The following SV2B variants were observed in gnomAD, a reference collection of about 807,000 sequenced individuals.
SV2B encodes solute carrier family 22 member B2.
Under a neutral mutation model 73.9 loss-of-function variants are expected in SV2B, and 41 were observed. The observed-to-expected ratio is 0.56, with a 90% CI of 0.43 to 0.72. SV2B has a LOEUF of 0.72. Among genes scored for constraint, SV2B ranks in the 30% least tolerant of loss-of-function variants. The probability of loss-of-function intolerance (pLI) is 0.00; values close to 1 mark genes in which losing one functional copy is unlikely to be tolerated. For synonymous variants in SV2B, 314 were observed against 314.2 expected, an observed-to-expected ratio of 1.00 and a Z score of 0.01; for missense variants, 764 against 857.8, an observed-to-expected ratio of 0.89 and a Z score of 1.37.
At chr15:91,158,700 T>TCTTCC (rs1567300656) in intron 1 of SV2B, among the ~76,000 whole-genome samples, 2 of 52,480 alleles carry the variant, frequency 3.8e-5, no homozygotes, top group African/African-American at 1.2e-4. Context: ...TCTTCTCTTC[T>TCTTCC]CTCCTCTCCT....
chr15:91,102,284 A>G (rs2041751140), intron 1 of SV2B: 1 of 152,238 alleles, frequency 6.6e-6, no homozygotes, highest in South Asian at 2.1e-4. Context: ...AGCGTGCACT[A>G]CAAGAAGCAT....
In SV2B at chr15:91,229,288, A is replaced by G. The variant is rs2046483046; in HGVS notation, c.451+2574A>G. On this transcript the variant is annotated intron_variant, in intron 2 of 12. Coordinates refer to ENST00000394232, the MANE Select transcript of SV2B (RefSeq NM_001323032.3). This position sits in a 1 kb window ranked among gnomAD's most constrained non-coding sequence, Gnocchi z 4.3. ...ATCGATCTGCTAGTGACCTTGGGCA[A>G]GTTATGACTCCTCTAATTCTCGGTG... is the stretch of plus-strand genomic sequence containing the variant. Among the ~76,000 whole-genome samples the G allele has an allele frequency of 6.6e-6, 1 of 151,872 alleles. No homozygotes were observed. The highest frequency in any genetic ancestry group is 2.1e-4 in the South Asian group (1 of 4,778).
At chr15:91,127,858 CA>C (rs1186303294) in intron 1 of SV2B, among the ~76,000 whole-genome samples, 1 of 152,134 alleles carries the variant, frequency 6.6e-6, no homozygotes, top group African/African-American at 2.4e-5. Flanking sequence ...GCTAATTTTG[CA>C]AAGCTATGCA....
rs541998900 is a variant in SV2B at position 91,141,841 on chromosome 15, G to A, written c.-392+41478G>A. Among the ~76,000 whole-genome samples, 2 of 151,978 alleles carry A rather than the reference G, an allele frequency of 1.3e-5. No individual in the cohort carries two copies. The highest frequency in any genetic ancestry group is 4.8e-5 in the African/African-American group (2 of 41,460). On this transcript the variant is annotated intron_variant, in intron 1 of 12. Transcript: ENST00000394232. This position sits in a 1 kb window ranked among gnomAD's most constrained non-coding sequence, Gnocchi z 4.6. Reference sequence around the variant, plus strand: ...ATTCAGAGAGTTAGATGCTGTACCTGAAAGGGTGTATGTTTAAAAGACTGA... The same window carrying A: ...ATTCAGAGAGTTAGATGCTGTACCTAAAAGGGTGTATGTTTAAAAGACTGA...
chr15:91,115,495 C>A lies in SV2B; in HGVS notation c.-392+15132C>A, dbSNP rs2042152469. Reference sequence around the variant, plus strand: ...CAAGTAATCCTCCCACCTCAGTCTCCTGAGTAGCTGGGACCACAGGCACCC... The same window carrying A: ...CAAGTAATCCTCCCACCTCAGTCTCATGAGTAGCTGGGACCACAGGCACCC... On this transcript the variant is annotated intron_variant, in intron 1 of 12. Transcript: ENST00000394232. This position sits in a 1 kb window ranked among gnomAD's most constrained non-coding sequence, Gnocchi z 4.3. Among the ~76,000 whole-genome samples, 1 of 151,964 alleles carries A rather than the reference C, an allele frequency of 6.6e-6. No homozygotes were observed. Among genetic ancestry groups the A allele is most frequent in the Admixed American group, 6.6e-5 (1 of 15,246 alleles).
intron 12 of SV2B, among the ~76,000 whole-genome samples, chr15:91,291,954 A>G (rs757066976): frequency 1.3e-5 from 2 of 152,202 alleles, no homozygotes; most frequent in Non-Finnish European, 2.9e-5. Context: ...GTTTGTGGGC[A>G]ACTGGCAGTC....
intron 1 of SV2B, among the ~76,000 whole-genome samples, chr15:91,204,469 G>A (rs1044649953): frequency 4.0e-5 from 6 of 150,798 alleles, no homozygotes; most frequent in African/African-American, 1.5e-4. Context: ...TGAGTTGAGA[G>A]TTGATAATAG....
In SV2B at chr15:91,283,087, G is replaced by A. The variant is rs144447311; in HGVS notation, c.1508-934G>A. Reference sequence around the variant, plus strand: ...TCTTCCAATTTTGTAGATTTTGTAGGTAGAGCCTCAGGGAGGTTAAAGAGG... The same window carrying A: ...TCTTCCAATTTTGTAGATTTTGTAGATAGAGCCTCAGGGAGGTTAAAGAGG... On this transcript the variant is annotated intron_variant, in intron 10 of 12. Transcript: ENST00000394232. This position sits in a 1 kb window ranked among gnomAD's most constrained non-coding sequence, Gnocchi z 4.3. Among the ~76,000 whole-genome samples, 136 of 152,304 alleles carry A rather than the reference G, an allele frequency of 8.9e-4. No individual in the cohort carries two copies. Among genetic ancestry groups the A allele is most frequent in the African/African-American group, 3.1e-3 (127 of 41,558 alleles).
chr15:91,168,259 C>G (rs796081661), intron 1 of SV2B, among the ~76,000 whole-genome samples: 11 of 150,276 alleles, frequency 7.3e-5, no homozygotes, highest in African/African-American at 2.7e-4. Context: ...CAGTTCCACA[C>G]TTTTTGTGAA....
rs1596713917 is a variant in SV2B, at chr15:91,258,363, C to T, written c.785-58C>T. ...TGTGAGCCAGGGCTTCAGAGTCACTCTTCCGTAGAGGAAAAGATCATGTCC... is the reference window on the plus strand; with the variant it reads ...TGTGAGCCAGGGCTTCAGAGTCACTTTTCCGTAGAGGAAAAGATCATGTCC... On this transcript the variant is annotated intron_variant, in intron 4 of 12. Transcript: ENST00000394232. The surrounding 1 kb of genome is among the most constrained non-coding windows in gnomAD (Gnocchi z 4.7). The T allele has an allele frequency of 1.3e-6, 2 of 1,599,072 alleles. No homozygotes were observed. Among genetic ancestry groups the T allele is most frequent in the East Asian group, 2.2e-5 (1 of 44,814 alleles).
intron 1 of SV2B, among the ~76,000 whole-genome samples, chr15:91,167,034 T>C (rs2043940703): frequency 1.3e-5 from 2 of 152,080 alleles, no homozygotes; most frequent in African/African-American, 2.4e-5. Flanking sequence ...AGGATGGTCT[T>C]GATCTCCTGA....
Position 91,252,392 on chromosome 15 carries a change from T to C in SV2B, c.656T>C (p.Val219Ala). The C allele has an allele frequency of 1.2e-6, 2 of 1,613,016 alleles. No individual in the cohort carries two copies. The highest frequency in any genetic ancestry group is 8.5e-7 in the Non-Finnish European group (1 of 1,179,578). ...AGTATTGGGGGTGCTCTACCGATTG[T>C]TTTTGCCTATTTTTCTGAATTCTTG... is the stretch of plus-strand genomic sequence containing the variant. ...GIGIGGALPI[V>A]FAYFSEFLSR... Residue 219 changes from valine to alanine, a missense_variant, in exon 4 of 13, where the codon GTT (valine) becomes GCT (alanine). Physicochemically the swap from Val to Ala is moderately conservative, Grantham distance 64. Coordinates refer to ENST00000394232, the MANE Select transcript of SV2B (RefSeq NM_001323032.3). The surrounding 1 kb of genome is among the most constrained non-coding windows in gnomAD (Gnocchi z 4.6).
chr15:91,219,779 C>T (rs1413550475), intron 1 of SV2B, among the ~76,000 whole-genome samples: 1 of 152,168 alleles, frequency 6.6e-6, no homozygotes, highest in Admixed American at 6.5e-5. Context: ...AGTTTACTTA[C>T]AATCATTCCC....
At chr15:91,208,755 T>C (rs1567346052) in intron 1 of SV2B, among the ~76,000 whole-genome samples, 2 of 152,186 alleles carry the variant, frequency 1.3e-5, no homozygotes, top group African/African-American at 4.8e-5. Flanking sequence ...GATGCATCTT[T>C]TAAAAAAATG....
chr15:91,192,545 G>A (rs1196371566), intron 1 of SV2B, among the ~76,000 whole-genome samples: 2 of 152,208 alleles, frequency 1.3e-5, no homozygotes, highest in Admixed American at 6.5e-5. Context: ...TGAGAAATCA[G>A]TGAAGTAGTG....
In SV2B at chr15:91,130,847, A is replaced by G. The variant is rs2042619083; in HGVS notation, c.-392+30484A>G. On this transcript the variant is annotated intron_variant, in intron 1 of 12. Coordinates refer to ENST00000394232, the MANE Select transcript of SV2B (RefSeq NM_001323032.3). This position sits in a 1 kb window ranked among gnomAD's most constrained non-coding sequence, Gnocchi z 5.6. ...GAGGATTGAAGGAAATGTCTTTAGG[A>G]TGTGTGATATTTTAGTATTTTTACA... is the stretch of plus-strand genomic sequence containing the variant. 6.6e-6 allele frequency among the ~76,000 whole-genome samples: 1 copy of G among 152,074 alleles called. No homozygotes were observed. The highest frequency in any genetic ancestry group is 1.5e-5 in the Non-Finnish European group (1 of 68,008).
intron 1 of SV2B, among the ~76,000 whole-genome samples, chr15:91,202,634 A>AGAGG (rs1202804789): frequency 6.6e-6 from 1 of 152,226 alleles, no homozygotes; most frequent in Non-Finnish European, 1.5e-5. Context: ...CCTGGGAAGC[A>AGAGG]GAGGGAGATT....
rs942941849 is a variant in SV2B, at chr15:91,293,045, A to G, written c.*493A>G. 1 of 152,592 alleles carries G rather than the reference A, an allele frequency of 6.6e-6. No homozygotes were observed. The highest frequency in any genetic ancestry group is 1.5e-5 in the Non-Finnish European group (1 of 68,362). The allele number at this position is 152,592 out of a possible 1,614,324, so 9.5% of individuals were successfully genotyped here. ...TTTGCATTTAAAAGTATCACCTATCATATTTTCCACTCGAAAATTGACATA... is the reference window on the plus strand; with the variant it reads ...TTTGCATTTAAAAGTATCACCTATCGTATTTTCCACTCGAAAATTGACATA... On this transcript the variant is annotated 3_prime_UTR_variant, in exon 13 of 13. Coordinates refer to ENST00000394232, the MANE Select transcript of SV2B (RefSeq NM_001323032.3).
chr15:91,138,830 G>C (rs1596465520), intron 1 of SV2B, among the ~76,000 whole-genome samples: 2 of 152,278 alleles, frequency 1.3e-5, no homozygotes, highest in East Asian at 3.9e-4. Flanking sequence ...GTTACTGAGA[G>C]ATGACTGTAT....
Sources: gnomAD v4.1 joint callset for allele counts (sites outside exome capture counted in the v4.1 genomes callset) on GRCh38, gnomAD v4.1.1 for gene constraint, Gnocchi (gnomAD v3.1) non-coding constraint, MANE v1.5 for transcripts, NCBI Gene and HGNC (gene_info 2026-07-23, HGNC 2026-07-21) for gene names.